The following MMS22L variants were observed in gnomAD, a reference collection of about 807,000 sequenced individuals.
MMS22L encodes the protein protein MMS22-like.
Under a neutral mutation model 159.1 loss-of-function variants are expected in MMS22L, and 74 were observed. The ratio of observed to expected loss-of-function variants is 0.47; its 90% CI spans 0.39 to 0.56. The LOEUF is 0.56. Among genes scored for constraint, MMS22L ranks in the 20% least tolerant of loss-of-function variants. The pLI is 0.00. For missense variants in MMS22L, 1,351 were observed against 1,422.1 expected (o/e 0.95, Z 0.80); for synonymous variants, 517 against 506.9 (o/e 1.02, Z -0.27).
chr6:97,191,824 G>GAT (rs1805894683), intron 14 of MMS22L, among the ~76,000 whole-genome samples: 2 of 151,948 alleles, frequency 1.3e-5, no homozygotes, highest in South Asian at 4.2e-4. Flanking sequence ...TATCCAGGAA[G>GAT]AATATAACAT....
At chr6:97,194,424 C>T (rs1373750923) in intron 14 of MMS22L, among the ~76,000 whole-genome samples, 6 of 152,012 alleles carry the variant, frequency 3.9e-5, no homozygotes, top group Admixed American at 3.9e-4. Context: ...CAGTCACCTT[C>T]TTGGCTTTCC....
chr6:97,272,710 C>T lies in MMS22L; in HGVS notation c.600G>A (p.Gln200=). ...CAAATGAAACAAGTCAAACCTTAAT[C>T]TGGTTTTGATTTACAAATGCTCCTA... ...VNIGAFVNQN[Q]IKLFPPSWHL... The change falls in exon 6 of 25, where the codon CAG becomes CAA. Residue 200 remains glutamine (Q), a synonymous_variant. Coordinates refer to ENST00000683635, the MANE Select transcript of MMS22L (RefSeq NM_001350599.2). The T allele has an allele frequency of 6.2e-7, 1 of 1,606,788 alleles. No homozygotes were observed. The highest frequency in any genetic ancestry group is 8.5e-7 in the Non-Finnish European group (1 of 1,177,460).
rs766918415 is a variant in MMS22L, at chr6:97,179,573, T to C, written c.2385-14A>G. 1.1e-5 allele frequency: 18 copies of C among 1,580,886 alleles called. No homozygotes were observed. Among genetic ancestry groups the C allele is most frequent in the East Asian group, 2.3e-5 (1 of 44,324 alleles). On this transcript the variant is annotated splice_polypyrimidine_tract_variant and intron_variant, in intron 16 of 24. Transcript: ENST00000683635. ...TCACATAATGTGCTGTAGAAACAAA[T>C]TGACAAATATTTTTAAAACAAAAAC...
intron 17 of MMS22L, 32 bp downstream of exon 17, chr6:97,179,376 C>G (rs752306505): frequency 1.9e-6 from 3 of 1,594,694 alleles, no homozygotes; most frequent in Non-Finnish European, 2.6e-6. Context: ...ATAGATACCC[C>G]CATCCTCCCC....
In MMS22L at chr6:97,144,850, C is replaced by T. The variant is rs1037768970; in HGVS notation, c.*1956G>A. 5.3e-5 allele frequency: 8 copies of T among 151,976 alleles called. No homozygotes were observed. The highest frequency in any genetic ancestry group is 7.4e-5 in the Non-Finnish European group (5 of 67,994). The allele number at this position is 151,976 out of a possible 1,614,324, so 9.4% of individuals were successfully genotyped here. On this transcript the variant is annotated 3_prime_UTR_variant, in exon 25 of 25. Coordinates refer to ENST00000683635, the MANE Select transcript of MMS22L (RefSeq NM_001350599.2). ...CATATAATACACACACATATTGTTACACACTTTGTTGTTACCATTCTTAAG... is the reference window on the plus strand; with the variant it reads ...CATATAATACACACACATATTGTTATACACTTTGTTGTTACCATTCTTAAG...
At chr6:97,172,618 T>C (rs892265059) in intron 19 of MMS22L, among the ~76,000 whole-genome samples, 13 of 152,156 alleles carry the variant, frequency 8.5e-5, no homozygotes, top group Non-Finnish European at 1.6e-4. Flanking sequence ...AGAAACAAGA[T>C]TTGAAGCATA....
intron 19 of MMS22L, 114 bp from the exon 20 acceptor site, chr6:97,168,354 T>C: frequency 8.3e-6 from 7 of 843,108 alleles, no homozygotes; most frequent in Non-Finnish European, 1.3e-5. Context: ...AAGTAGGGAA[T>C]AGGAAGAGAC....
At chr6:97,176,080 TAATAA>T (rs1316785937) in intron 18 of MMS22L, among the ~76,000 whole-genome samples, 1 of 152,178 alleles carries the variant, frequency 6.6e-6, no homozygotes, top group Non-Finnish European at 1.5e-5. Flanking sequence ...AGTCAAAACG[TAATAA>T]AATAAATAAT....
At chr6:97,205,099 A>G (rs2127913802) in intron 14 of MMS22L, among the ~76,000 whole-genome samples, 1 of 151,680 alleles carries the variant, frequency 6.6e-6, no homozygotes, top group Non-Finnish European at 1.5e-5. Flanking sequence ...GTGCGCCACC[A>G]TGCCCAGCTA....
At chr6:97,268,041 T>A in intron 7 of MMS22L, 39 bp from the exon 8 acceptor site, 1 of 1,385,316 alleles carries the variant, frequency 7.2e-7, no homozygotes, top group Non-Finnish European at 9.6e-7. Flanking sequence ...ATACAGATTT[T>A]ACTAAGTCAG....
At chr6:97,246,163 A>G (rs988091580) in intron 11 of MMS22L, 17 of 454,082 alleles carry the variant, frequency 3.7e-5, no homozygotes, top group Non-Finnish European at 6.6e-5. Context: ...AGCTCTGCAG[A>G]AAGAAAAATG....
chr6:97,233,736 A>T, intron 12 of MMS22L, 125 bp downstream of exon 12: 1 of 997,816 alleles, frequency 1.0e-6, no homozygotes, highest in Non-Finnish European at 1.4e-6. Flanking sequence ...ACTCCAATCT[A>T]CTCTGAAAAA....
At chr6:97,236,094 G>A (rs771654428) in intron 11 of MMS22L, among the ~76,000 whole-genome samples, 2 of 151,636 alleles carry the variant, frequency 1.3e-5, no homozygotes, top group African/African-American at 2.4e-5. Context: ...TTGGGAGACC[G>A]AGCTGGGTGG....
chr6:97,272,760 G>A lies in MMS22L; in HGVS notation c.550C>T (p.Leu184=), dbSNP rs776212881. The change falls in exon 6 of 25, where the codon CTA becomes TTA. Residue 184 remains leucine, a synonymous_variant. Coordinates refer to ENST00000683635, the MANE Select transcript of MMS22L (RefSeq NM_001350599.2). The part of the protein sequence containing the change: ...LHGLLLYIGH[L]SELPSVNIGA... ...ATATTAACACTGGGAAGTTCAGATA[G>A]GTGTCCAATATACAAGAGTAATCCA... The A allele has an allele frequency of 1.2e-6, 2 of 1,613,922 alleles. No individual in the cohort carries two copies. Among genetic ancestry groups the A allele is most frequent in the Non-Finnish European group, 1.7e-6 (2 of 1,179,872 alleles).
At chr6:97,198,332 T>C (rs1806768253) in intron 14 of MMS22L, among the ~76,000 whole-genome samples, 1 of 152,162 alleles carries the variant, frequency 6.6e-6, no homozygotes, top group African/African-American at 2.4e-5. Flanking sequence ...TCTCGGCCTT[T>C]AGTTACTCAC....
At chr6:97,219,998 C>A (rs934494287) in intron 14 of MMS22L, among the ~76,000 whole-genome samples, 1 of 152,174 alleles carries the variant, frequency 6.6e-6, no homozygotes, top group African/African-American at 2.4e-5. Flanking sequence ...ACTTCTGACT[C>A]TTGATTTTGA....
intron 22 of MMS22L, among the ~76,000 whole-genome samples, chr6:97,157,576 TC>T (rs1479072082): frequency 4.6e-5 from 7 of 152,322 alleles, no homozygotes; most frequent in African/African-American, 1.7e-4. Flanking sequence ...ATTGAGATAA[TC>T]ATGTGGTTTT....
At chr6:97,173,801 G>C (rs1365952435) in intron 18 of MMS22L, among the ~76,000 whole-genome samples, 1 of 152,118 alleles carries the variant, frequency 6.6e-6, no homozygotes, top group Non-Finnish European at 1.5e-5. Flanking sequence ...GAGTGGTAGA[G>C]AGAAATGTGA....
At chr6:97,257,839 T>C (rs1292344309) in intron 9 of MMS22L, among the ~76,000 whole-genome samples, 1 of 152,218 alleles carries the variant, frequency 6.6e-6, no homozygotes, top group Non-Finnish European at 1.5e-5. Flanking sequence ...TTCTGTACTA[T>C]AAAGTTATTA....
Sources: allele counts gnomAD v4.1 joint callset (sites outside exome capture counted in the v4.1 genomes callset), GRCh38; gene constraint gnomAD v4.1.1; transcripts MANE v1.5; gene names NCBI Gene and HGNC (gene_info 2026-07-23, HGNC 2026-07-21).